Variants in MBP observed in about 807,000 individuals in gnomAD.
MBP encodes Golli-MBP.
A neutral mutation model predicts 35.8 loss-of-function variants in MBP; 16 were observed. The observed-to-expected ratio is 0.45, with a 90% confidence interval of 0.30 to 0.68. The LOEUF is 0.68. Ranked by LOEUF, MBP falls within the 30% of genes least tolerant of loss-of-function variation. The pLI, the probability that MBP is intolerant of heterozygous loss-of-function variation, is 0.08. For synonymous variants in MBP, 143 were observed against 159.6 expected, an observed-to-expected ratio of 0.90 and a Z score of 0.78; for missense variants, 380 against 404.7, an observed-to-expected ratio of 0.94 and a Z score of 0.52.
At chr18:77,127,635 G>A (rs1005213091) in intron 1 of MBP, 3 of 152,290 alleles carry the variant, frequency 2.0e-5, no homozygotes, top group African/African-American at 7.2e-5. Flanking sequence ...ATCACCGAGT[G>A]GTAAGGCCAG....
chr18:76,997,045 G>T (rs1970310231), intron 4 of MBP, among the ~76,000 whole-genome samples: 2 of 152,250 alleles, frequency 1.3e-5, no homozygotes, highest in South Asian at 4.1e-4. Flanking sequence ...TTTGCCTAGA[G>T]CGTCCTCCCC....
chr18:77,084,426 CCACACCACACACACACACACA>C (rs1235244878), intron 2 of MBP, among the ~76,000 whole-genome samples: 2 of 58,482 alleles, frequency 3.4e-5, no homozygotes, highest in South Asian at 6.5e-4. Flanking sequence ...CCCCGCCACA[CCACACCACACACACACACACA>C]CACACACACA....
intron 3 of MBP, among the ~76,000 whole-genome samples, chr18:77,055,111 CAG>C (rs897533047): frequency 6.6e-6 from 1 of 152,230 alleles, no homozygotes; most frequent in African/African-American, 2.4e-5. Context: ...TGGATGGAGA[CAG>C]AGGAACGGCA....
chr18:76,989,646 C>T lies in MBP; in HGVS notation c.681+310G>A, dbSNP rs1969775475. The T allele has an allele frequency of 3.0e-6, 1 of 333,996 alleles. No individual in the cohort carries two copies. Among genetic ancestry groups the T allele is most frequent in the Admixed American group, 4.8e-5 (1 of 20,940 alleles). The allele number at this position is 333,996 out of a possible 1,614,324, so 20.7% of individuals were successfully genotyped here. On this transcript the variant is annotated intron_variant, in intron 5 of 8. Transcript: ENST00000355994. The surrounding 1 kb of genome is among the most constrained non-coding windows in gnomAD (Gnocchi z 4.0). ...TGCCCCCTCCGCTCCCAGCCCATGG[C>T]AAGCACTCTCCATAGGTTGCAAAGC...
intron 2 of MBP, among the ~76,000 whole-genome samples, chr18:77,098,933 C>T (rs1163251433): frequency 6.6e-6 from 1 of 151,760 alleles, no homozygotes; most frequent in Non-Finnish European, 1.5e-5. Flanking sequence ...TTCCTTCCCC[C>T]TCCCTCCTCC....
intron 1 of MBP, among the ~76,000 whole-genome samples, chr18:77,123,173 T>C (rs1336224861): frequency 6.6e-6 from 1 of 152,206 alleles, no homozygotes; most frequent in African/African-American, 2.4e-5. Context: ...GCCTACAACA[T>C]AGTTCTATAA....
chr18:76,979,934 C>G lies in MBP; in HGVS notation c.*493G>C, dbSNP rs921033644. 4.3e-6 allele frequency: 3 copies of G among 702,094 alleles called. No individual in the cohort carries two copies. Among genetic ancestry groups the G allele is most frequent in the African/African-American group, 3.5e-5 (2 of 57,146 alleles). 43.5% of individuals were successfully genotyped at this position (702,094 alleles called of 1,614,324 possible). ...CTAATCCTGTTAGGAAAAATGAAGT[C>G]TACTTTAGGAGGTGAGAGAAGGACA... On this transcript the variant is annotated 3_prime_UTR_variant, in exon 9 of 9. Transcript: ENST00000355994.
chr18:77,028,621 T>C (rs1214595230), intron 3 of MBP, among the ~76,000 whole-genome samples: 8 of 74,104 alleles, frequency 1.1e-4, no homozygotes, highest in Admixed American at 6.8e-4. Context: ...GGCGGGGGGC[T>C]GACCCCCCCC....
chr18:77,083,781 C>T (rs1789130), intron 2 of MBP, among the ~76,000 whole-genome samples: 115,411 of 152,124 alleles, frequency 0.76, 44,258 homozygotes, highest in South Asian at 0.83. Flanking sequence ...TCCACTCAGA[C>T]GTAATATCTG....
chr18:77,066,332 A>C lies in MBP; in HGVS notation c.105T>G (p.Leu35=), dbSNP rs757432402. The C allele has an allele frequency of 6.2e-7, 1 of 1,614,174 alleles. No homozygotes were observed. Among genetic ancestry groups the C allele is most frequent in the Non-Finnish European group, 8.5e-7 (1 of 1,179,990 alleles). The change falls in exon 3 of 9, where the codon CTT becomes CTG. Residue 35 remains leucine (L), a synonymous_variant. Coordinates refer to ENST00000355994, the MANE Select transcript of MBP (RefSeq NM_001025101.2). ...CGTTGTCCTCTGAGGTTGTCCGTGA[A>C]AGTTCACCCAGGTTTCTCTTTTTTT... ...ESEKKRNLGE[L]SRTTSEDNEV...
At chr18:77,071,608 T>C (rs1243510789) in intron 2 of MBP, among the ~76,000 whole-genome samples, 2 of 152,250 alleles carry the variant, frequency 1.3e-5, no homozygotes, top group East Asian at 1.9e-4. Flanking sequence ...CTTGAAGCCT[T>C]GAGTGGAGAA....
chr18:76,991,977 C>T (rs1969951759), intron 4 of MBP, among the ~76,000 whole-genome samples: 1 of 152,220 alleles, frequency 6.6e-6, no homozygotes, highest in Non-Finnish European at 1.5e-5. Context: ...CATGCTGCAG[C>T]CACAAAGGAC....
intron 8 of MBP, chr18:76,981,570 TCAAGGGATTTTTGTTTTCA>T (rs1342793490): frequency 6.6e-6 from 1 of 152,204 alleles, no homozygotes; most frequent in African/African-American, 2.4e-5. Context: ...CACAACTCAC[TCAAGGGATTTTTGTTTTCA>T]CAAGTGAAAA....
chr18:77,081,857 T>TATA (rs1491416029), intron 2 of MBP, among the ~76,000 whole-genome samples: 2 of 10,496 alleles, frequency 1.9e-4, no homozygotes, highest in South Asian at 4.0e-3. Flanking sequence ...TATATATATA[T>TATA]TTTTTTTTTT....
chr18:77,082,294 A>T (rs1974982710), intron 2 of MBP, among the ~76,000 whole-genome samples: 1 of 152,228 alleles, frequency 6.6e-6, no homozygotes, highest in Non-Finnish European at 1.5e-5. Flanking sequence ...GGTACGTGCT[A>T]CACCATGGAT....
chr18:77,005,986 G>A (rs1007643393), intron 4 of MBP: 1 of 152,316 alleles, frequency 6.6e-6, no homozygotes, highest in Non-Finnish European at 1.5e-5. Flanking sequence ...TGTTTCACAG[G>A]AGAGGGAAGG....
intron 8 of MBP, chr18:76,981,821 C>T (rs1969221336): frequency 6.6e-6 from 1 of 152,256 alleles, no homozygotes; most frequent in Non-Finnish European, 1.5e-5. Flanking sequence ...TGGAGCTGCC[C>T]TCTGGAGTAG....
intron 2 of MBP, among the ~76,000 whole-genome samples, chr18:77,084,410 C>CT (rs1975115037): frequency 2.1e-5 from 1 of 47,612 alleles, no homozygotes; most frequent in African/African-American, 5.8e-5. Flanking sequence ...ATCACAACAC[C>CT]GCCCCCCCCG....
At position 77,016,994 on chromosome 18, in the gene MBP, C is replaced by T. The variant is rs1207525954; in HGVS notation, c.414G>A (p.Lys138=). ...SESLDVMASQ[K]RPSQRHGSKY... is the part of the protein sequence containing the mutation. ...TGGATCCGTGCCTCTGGGAGGGTCT[C>T]TTCTGTGACGCCATCACATCCAGGC... The change falls in exon 4 of 9, where the codon AAG becomes AAA. Residue 138 remains lysine (K), a synonymous_variant. Coordinates refer to ENST00000355994, the MANE Select transcript of MBP (RefSeq NM_001025101.2). The T allele has an allele frequency of 3.1e-6, 5 of 1,613,966 alleles. No homozygotes were observed. The highest frequency in any genetic ancestry group is 4.2e-6 in the Non-Finnish European group (5 of 1,180,012).
Sources: allele counts gnomAD v4.1 joint callset (sites outside exome capture counted in the v4.1 genomes callset), GRCh38; gene constraint gnomAD v4.1.1; non-coding constraint Gnocchi (gnomAD v3.1); transcripts MANE v1.5; gene names NCBI Gene and HGNC (gene_info 2026-07-23, HGNC 2026-07-21).